Variants in VPS13B observed in about 807,000 individuals in gnomAD.
The protein encoded by VPS13B is intermembrane lipid transfer protein VPS13B.
A neutral mutation model predicts 426.4 loss-of-function variants in VPS13B; 285 were observed. The ratio of observed to expected loss-of-function variants is 0.67; its 90% CI spans 0.61 to 0.74. VPS13B has a LOEUF of 0.74. Among genes scored for constraint, VPS13B ranks in the 30% least tolerant of loss-of-function variants. The pLI is 0.00. For synonymous variants in VPS13B, 1,676 were observed against 1,676.4 expected, an observed-to-expected ratio of 1.00 and a Z score of 0.01; for missense variants, 4,537 against 4,782.6, an observed-to-expected ratio of 0.95 and a Z score of 1.51.
rs2132431469 is a variant in VPS13B at position 99,096,342 on chromosome 8, A to G, written c.322A>G (p.Thr108Ala). 1 of 1,614,120 alleles carries G rather than the reference A, an allele frequency of 6.2e-7. No homozygotes were observed. The highest frequency in any genetic ancestry group is 1.1e-5 in the South Asian group (1 of 91,090). ...CCATGAAAGCTGTGGTTCTAATTCTACCAACCGTAGTACTGCTGAGAGCAC... is the reference window on the plus strand; with the variant it reads ...CCATGAAAGCTGTGGTTCTAATTCTGCCAACCGTAGTACTGCTGAGAGCAC... The part of the protein sequence containing the change: ...DDHESCGSNS[T>A]NRSTAESTKS... Residue 108 changes from threonine to alanine, a missense_variant, in exon 4 of 62, where the codon ACC becomes GCC. Thr to Ala is a moderately conservative substitution (Grantham distance 58). This residue lies in a region of VPS13B where 226 missense variants were observed against 308.3 expected (regional missense o/e 0.73). Coordinates refer to ENST00000357162, the MANE Select transcript of VPS13B (RefSeq NM_152564.5).
intron 17 of VPS13B, among the ~76,000 whole-genome samples, chr8:99,240,698 CTAAAAAA>C (rs1414248924): frequency 6.6e-6 from 1 of 152,032 alleles, no homozygotes; most frequent in Non-Finnish European, 1.5e-5. Context: ...ATATTTAAAA[CTAAAAAA>C]AATCACTTTC....
rs375831895 is a variant in VPS13B at position 99,238,767 on chromosome 8, C to T, written c.2516-35431C>T. 1.3e-3 allele frequency among the ~76,000 whole-genome samples: 199 copies of T among 152,064 alleles called. 1 individual carries two copies. In the South Asian group the frequency reaches 0.014, roughly 11 times the overall value. ...AAACATGTAATATGCCAACCGGTGG[C>T]ATTTTGCTTCCCTATAATTATTATC... On this transcript the variant is annotated intron_variant, in intron 17 of 61. Coordinates refer to ENST00000357162, the MANE Select transcript of VPS13B (RefSeq NM_152564.5).
chr8:99,253,145 CTTG>C (rs1289259368), intron 17 of VPS13B, among the ~76,000 whole-genome samples: 8 of 151,954 alleles, frequency 5.3e-5, no homozygotes, highest in Non-Finnish European at 1.0e-4. Flanking sequence ...AAAGTTTATT[CTTG>C]TTGTAGTATG....
intron 35 of VPS13B, among the ~76,000 whole-genome samples, chr8:99,689,405 G>T (rs1474383760): frequency 6.6e-6 from 1 of 152,270 alleles, no homozygotes; most frequent in East Asian, 1.9e-4. Flanking sequence ...ATATCAGTAG[G>T]TGCCTGGTAA....
intron 55 of VPS13B, 134 bp downstream of exon 55, chr8:99,849,028 A>C: frequency 1.1e-6 from 1 of 871,842 alleles, no homozygotes; most frequent in Non-Finnish European, 1.9e-6. Context: ...TCCATAAAAA[A>C]TATGGTTATT....
intron 21 of VPS13B, among the ~76,000 whole-genome samples, chr8:99,407,894 A>C (rs1202245712): frequency 6.6e-6 from 1 of 152,174 alleles, no homozygotes; most frequent in Non-Finnish European, 1.5e-5. Context: ...AATTTTAAAA[A>C]TCTTTTTGTG....
At chr8:99,859,921 A>C (rs1816750045) in intron 57 of VPS13B, among the ~76,000 whole-genome samples, 1 of 152,204 alleles carries the variant, frequency 6.6e-6, no homozygotes, top group South Asian at 2.1e-4. Flanking sequence ...GGGGTGAAAC[A>C]GCCAACTTTT....
intron 20 of VPS13B, among the ~76,000 whole-genome samples, chr8:99,389,915 G>T (rs3105179): frequency 0.26 from 39,325 of 151,736 alleles, 5,764 homozygotes; most frequent in East Asian, 0.43. Flanking sequence ...CCCTCCTTAT[G>T]TTTTAGATGA....
intron 19 of VPS13B, among the ~76,000 whole-genome samples, chr8:99,301,729 A>G (rs1820378932): frequency 6.6e-6 from 1 of 152,238 alleles, no homozygotes; most frequent in Admixed American, 6.5e-5. Context: ...CCTTGTTTCC[A>G]TCTAAATCCA....
chr8:99,028,762 A>C (rs1842313356), intron 2 of VPS13B, among the ~76,000 whole-genome samples: 1 of 131,894 alleles, frequency 7.6e-6, no homozygotes. Flanking sequence ...CTGGCCGGGC[A>C]GAGGGGCTCC....
intron 39 of VPS13B, among the ~76,000 whole-genome samples, chr8:99,752,889 A>T (rs930521593): frequency 2.0e-5 from 3 of 152,216 alleles, no homozygotes; most frequent in Admixed American, 6.5e-5. Context: ...GTTTATGAGC[A>T]TTGCTTATTT....
chr8:99,808,860 G>A (rs144980221), intron 43 of VPS13B, among the ~76,000 whole-genome samples: 53 of 150,848 alleles, frequency 3.5e-4, no homozygotes, highest in African/African-American at 1.3e-3. Context: ...TTTCTAATTT[G>A]ATATATCTGT....
At position 99,501,835 on chromosome 8, in the gene VPS13B, C is replaced by T. The variant is rs1369399721; in HGVS notation, c.4019C>T (p.Pro1340Leu). The T allele has an allele frequency of 1.2e-6, 2 of 1,613,926 alleles. No individual in the cohort carries two copies. Among genetic ancestry groups the T allele is most frequent in the Admixed American group, 3.3e-5 (2 of 60,004 alleles). ...AAAATTACTATAAAGCTCTTTGCTC[C>T]AGATCCTGAAAATAAAGGCACAGGT... ...LPKITIKLFA[P>L]DPENKGTEVC... Residue 1340 changes from proline to leucine, a missense_variant, in exon 26 of 62, where the codon CCA (proline) becomes CTA (leucine). By Grantham distance (98) the Pro-to-Leu change is moderately conservative. Around this residue, in one of 2 missense-constraint regions of VPS13B, gnomAD observed 4,311 missense variants for 4,474.3 expected, o/e 0.96. Coordinates refer to ENST00000357162, the MANE Select transcript of VPS13B (RefSeq NM_152564.5).
rs72676239 is a variant in VPS13B, at chr8:99,688,071, T to G, written c.6047-11454T>G. ...ATATAACAGCATGGGTTGGGGGAAG[T>G]GGGCTCTGCAAACTCAGATATTATA... On this transcript the variant is annotated intron_variant, in intron 35 of 61. Transcript: ENST00000357162. Among the ~76,000 whole-genome samples, 127 of 150,912 alleles carry G rather than the reference T, an allele frequency of 8.4e-4. 1 individual carries two copies. Among genetic ancestry groups the G allele is most frequent in the Middle Eastern group, 3.5e-3 (1 of 284 alleles).
intron 30 of VPS13B, among the ~76,000 whole-genome samples, chr8:99,544,472 A>C (rs553601514): frequency 8.5e-5 from 13 of 152,140 alleles, no homozygotes; most frequent in Admixed American, 2.0e-4. Context: ...ATAATAATAA[A>C]AAAAATTCAG....
At chr8:99,193,872 T>C (rs1394108536) in intron 17 of VPS13B, among the ~76,000 whole-genome samples, 1 of 152,104 alleles carries the variant, frequency 6.6e-6, no homozygotes, top group Non-Finnish European at 1.5e-5. Context: ...GGTACCAGAG[T>C]GATTCAAATT....
chr8:99,771,051 C>T (rs1811462858), intron 40 of VPS13B, among the ~76,000 whole-genome samples: 1 of 152,194 alleles, frequency 6.6e-6, no homozygotes, highest in Non-Finnish European at 1.5e-5. Context: ...TATTTATTCC[C>T]TCTTACCTTC....
intron 31 of VPS13B, among the ~76,000 whole-genome samples, chr8:99,561,381 A>G (rs773750375): frequency 3.5e-4 from 53 of 152,228 alleles, no homozygotes; most frequent in Non-Finnish European, 6.9e-4. Context: ...TGTAGCATAT[A>G]TCAGTATTTC....
At position 99,823,948 on chromosome 8, in the gene VPS13B, A is replaced by C. The variant is rs143974238; in HGVS notation, c.9300A>C (p.Leu3100=). The change falls in exon 51 of 62, where the codon CTA becomes CTC. Residue 3100 remains leucine (L), a synonymous_variant. Transcript: ENST00000357162. ...TPYQIFYKPQ[L]SVCNPHSGKE... The stretch of plus-strand genomic sequence containing the variant: ...ATCAAATATTTTATAAACCACAGCT[A>C]TCTGTCTGCAATCCCCATTCTGGAA... The C allele has an allele frequency of 1.9e-6, 3 of 1,613,090 alleles. No homozygotes were observed. The highest frequency in any genetic ancestry group is 2.7e-5 in the African/African-American group (2 of 74,920).
Sources: allele counts gnomAD v4.1 joint callset (sites outside exome capture counted in the v4.1 genomes callset), GRCh38; gene constraint gnomAD v4.1.1; regional missense constraint gnomAD v4.1.1; transcripts MANE v1.5; gene names NCBI Gene and HGNC (gene_info 2026-07-23, HGNC 2026-07-21).